Variants in BAZ1B observed in about 807,000 individuals in gnomAD.
The protein encoded by BAZ1B is tyrosine-protein kinase BAZ1B.
BAZ1B carries 22 observed loss-of-function variants against 153.8 expected under a neutral mutation model. The observed-to-expected ratio is 0.14, with a 90% confidence interval of 0.10 to 0.20. The LOEUF is 0.20. BAZ1B is among the 10% of genes least tolerant of loss of function. The pLI is 1.00. For missense variants in BAZ1B, 1,325 were observed against 1,799.3 expected (o/e 0.74, Z 4.77); for synonymous variants, 676 against 633.4 (o/e 1.07, Z -1.01).
intron 13 of BAZ1B, 44 bp downstream of exon 13, chr7:73,459,492 C>T (rs781835264): frequency 6.3e-7 from 1 of 1,580,704 alleles, no homozygotes; most frequent in Non-Finnish European, 8.6e-7. Context: ...ACCAAATCAA[C>T]TCATCTACGG....
intron 4 of BAZ1B, among the ~76,000 whole-genome samples, chr7:73,497,904 TGC>T (rs2116409130): frequency 6.6e-6 from 1 of 152,060 alleles, no homozygotes; most frequent in South Asian, 2.1e-4. Context: ...AGACTTTCCT[TGC>T]CATCTTGAGT....
At chr7:73,453,416 C>T (rs1167040387) in intron 13 of BAZ1B, among the ~76,000 whole-genome samples, 2 of 152,170 alleles carry the variant, frequency 1.3e-5, no homozygotes, top group Admixed American at 1.3e-4. Context: ...CACAGTACTT[C>T]AGAAGTTAAT....
chr7:73,511,199 C>T (rs1583955249), intron 1 of BAZ1B, among the ~76,000 whole-genome samples: 1 of 151,712 alleles, frequency 6.6e-6, no homozygotes, highest in Non-Finnish European at 1.5e-5. Context: ...ACCCGGGAGG[C>T]GGAGCTTGCA....
chr7:73,503,238 G>T (rs1018301543), intron 3 of BAZ1B, among the ~76,000 whole-genome samples: 5 of 152,118 alleles, frequency 3.3e-5, no homozygotes, highest in African/African-American at 9.7e-5. Context: ...AAACTTGGCA[G>T]CAAGTTTTTT....
chr7:73,448,240 G>A (rs1216520123), intron 15 of BAZ1B, among the ~76,000 whole-genome samples: 2 of 152,186 alleles, frequency 1.3e-5, no homozygotes, highest in Non-Finnish European at 2.9e-5. Context: ...GGAGGTGGAA[G>A]TTACAGTGAG....
At chr7:73,506,565 T>C (rs1303932482) in intron 3 of BAZ1B, among the ~76,000 whole-genome samples, 1 of 142,604 alleles carries the variant, frequency 7.0e-6, no homozygotes, top group Non-Finnish European at 1.5e-5. Flanking sequence ...GGATTAAACA[T>C]GTCTGAGGCC....
At chr7:73,483,100 C>A (rs914382733) in intron 6 of BAZ1B, among the ~76,000 whole-genome samples, 4 of 152,118 alleles carry the variant, frequency 2.6e-5, no homozygotes, top group African/African-American at 9.7e-5. Context: ...TTGCCAAAGG[C>A]CCTTCCTAAT....
chr7:73,453,220 G>A (rs1788079010), intron 13 of BAZ1B, among the ~76,000 whole-genome samples: 1 of 152,256 alleles, frequency 6.6e-6, no homozygotes, highest in African/African-American at 2.4e-5. Context: ...GAGGCATAAT[G>A]CCATTTTAAT....
At chr7:73,483,988 C>G (rs1324704685) in intron 6 of BAZ1B, among the ~76,000 whole-genome samples, 2 of 152,146 alleles carry the variant, frequency 1.3e-5, no homozygotes, top group Non-Finnish European at 2.9e-5. Context: ...AAAAATCAGG[C>G]CGGGTGTGGT....
intron 1 of BAZ1B, among the ~76,000 whole-genome samples, chr7:73,514,590 G>A (rs1790717783): frequency 6.6e-6 from 1 of 150,504 alleles, no homozygotes; most frequent in African/African-American, 2.4e-5. Context: ...CACGAACATC[G>A]CTCAAGCCCA....
intron 1 of BAZ1B, among the ~76,000 whole-genome samples, chr7:73,518,560 G>A (rs1350599863): frequency 6.6e-6 from 1 of 152,148 alleles, no homozygotes; most frequent in African/African-American, 2.4e-5. Flanking sequence ...CATGCTCTAA[G>A]GCAGACGCAG....
chr7:73,515,846 T>A (rs967737691), intron 1 of BAZ1B, among the ~76,000 whole-genome samples: 3 of 152,094 alleles, frequency 2.0e-5, no homozygotes, highest in Admixed American at 6.6e-5. Flanking sequence ...GCCTTGGTCT[T>A]AAAATGAGAA....
intron 3 of BAZ1B, among the ~76,000 whole-genome samples, chr7:73,499,864 T>C (rs191829253): frequency 3.9e-5 from 6 of 152,366 alleles, no homozygotes; most frequent in Non-Finnish European, 5.9e-5. Context: ...TTTTGACTTA[T>C]GTTAACATGG....
intron 9 of BAZ1B, among the ~76,000 whole-genome samples, chr7:73,467,263 A>G (rs1788627084): frequency 6.6e-6 from 1 of 152,052 alleles, no homozygotes; most frequent in African/African-American, 2.4e-5. Flanking sequence ...CTTACCTCAT[A>G]CTATGATTGT....
chr7:73,482,772 T>A (rs112039911), intron 6 of BAZ1B, among the ~76,000 whole-genome samples: 14 of 152,244 alleles, frequency 9.2e-5, no homozygotes, highest in African/African-American at 3.4e-4. Flanking sequence ...GTAAGGTGTG[T>A]TTTTGTGCCA....
chr7:73,494,010 T>G lies in BAZ1B; in HGVS notation c.572-1089A>C, dbSNP rs150123862. Among the ~76,000 whole-genome samples, 25 of 152,176 alleles carry G rather than the reference T, an allele frequency of 1.6e-4. No homozygotes were observed. The East Asian group carries it at 4.6e-3, about 28-fold the overall frequency. On this transcript the variant is annotated intron_variant, in intron 4 of 19. Transcript: ENST00000339594. ...GGCCTTGTATACCATTTAAAGAGAT[T>G]AGAATTTGTCTTGCTAGCACTAGAG...
Position 73,442,719 on chromosome 7 carries a change from A to G in BAZ1B, c.4094+6T>C, listed in dbSNP as rs1178977. ...TCTCCCCTGCACCTGAGAACACAGCACTCACCTGAAGGGCCAGCTGAAGCG... is the reference window on the plus strand; with the variant it reads ...TCTCCCCTGCACCTGAGAACACAGCGCTCACCTGAAGGGCCAGCTGAAGCG... On this transcript the variant is annotated splice_donor_region_variant and intron_variant, in intron 18 of 19. Transcript: ENST00000339594. The G allele has an allele frequency of 0.19, 298,969 of 1,612,286 alleles. 29,469 individuals are homozygous for G. The highest frequency in any genetic ancestry group is 0.31 in the African/African-American group (22,991 of 74,900).
chr7:73,442,829 C>G lies in BAZ1B; in HGVS notation c.3991-1G>C. 1.2e-6 allele frequency: 2 copies of G among 1,611,156 alleles called. No homozygotes were observed. The highest frequency in any genetic ancestry group is 2.2e-5 in the South Asian group (2 of 90,966). On this transcript the variant is annotated splice_acceptor_variant, in intron 17 of 19. Coordinates refer to ENST00000339594, the MANE Select transcript of BAZ1B (RefSeq NM_032408.4). LOFTEE classifies it high-confidence loss of function. ...GGGAGCTCCGCTTGGTCTGAAGCAC[C>G]TGGCAGGAAAGAAAGAACAATGTTA...
chr7:73,491,994 T>C (rs1361301290), intron 5 of BAZ1B, among the ~76,000 whole-genome samples: 2 of 148,750 alleles, frequency 1.3e-5, no homozygotes, highest in Admixed American at 1.3e-4. Flanking sequence ...CGCTTTTTTT[T>C]TTTTTTTTTT....
Sources: gnomAD v4.1 joint callset for allele counts (sites outside exome capture counted in the v4.1 genomes callset) on GRCh38, gnomAD v4.1.1 for gene constraint, MANE v1.5 for transcripts, NCBI Gene and HGNC (gene_info 2026-07-23, HGNC 2026-07-21) for gene names.